The following ITSN2 variants were observed in gnomAD, a reference collection of about 807,000 sequenced individuals.
The protein encoded by ITSN2 is intersectin 2.
ITSN2 carries 156 observed loss-of-function variants against 243.7 expected under a neutral mutation model. The ratio of observed to expected loss-of-function variants is 0.64; its 90% CI spans 0.56 to 0.73. ITSN2 has a LOEUF of 0.73. Among genes scored for constraint, ITSN2 ranks in the 30% least tolerant of loss-of-function variants. The pLI, the probability that ITSN2 is intolerant of heterozygous loss-of-function variation, is 0.00. For synonymous variants in ITSN2, 703 were observed against 699.9 expected, an observed-to-expected ratio of 1.00 and a Z score of -0.07; for missense variants, 1,801 against 1,996.1, an observed-to-expected ratio of 0.90 and a Z score of 1.86.
intron 7 of ITSN2, among the ~76,000 whole-genome samples, chr2:24,309,987 T>A (rs1683053781): frequency 6.6e-6 from 1 of 152,092 alleles, no homozygotes; most frequent in South Asian, 2.1e-4. Context: ...TCTTGGGAAA[T>A]ATACACATTT....
intron 29 of ITSN2, among the ~76,000 whole-genome samples, chr2:24,222,715 GC>G (rs1670598827): frequency 8.4e-6 from 1 of 119,096 alleles, no homozygotes; most frequent in Non-Finnish European, 1.6e-5. Context: ...CCCTGTGTCA[GC>G]CAGGCTGGAG....
At chr2:24,358,633 C>T (rs757124795) in intron 1 of ITSN2, among the ~76,000 whole-genome samples, 4 of 152,068 alleles carry the variant, frequency 2.6e-5, no homozygotes, top group Admixed American at 6.5e-5. Context: ...AAAAGATATA[C>T]TAACTACATA....
Position 24,313,490 on chromosome 2 carries a change from C to CCTGATTGTTG in ITSN2, c.157_158insCAACAATCAG (p.Gly53AlafsTer12). The CCTGATTGTTG allele has an allele frequency of 1.2e-6, 2 of 1,613,326 alleles. No homozygotes were observed. Among genetic ancestry groups the CCTGATTGTTG allele is most frequent in the Non-Finnish European group, 1.7e-6 (2 of 1,179,602 alleles). ...TTCAGCTAAAACAGGGGCCGGCAGA[C>CCTGATTGTTG]CTGATTGTAGGAAAAAATTACGTGC... On this transcript the variant is annotated frameshift_variant, in exon 4 of 40. Coordinates refer to ENST00000355123, the MANE Select transcript of ITSN2 (RefSeq NM_006277.3). LOFTEE classifies it high-confidence loss of function.
intron 29 of ITSN2, among the ~76,000 whole-genome samples, chr2:24,231,555 C>G (rs1216008785): frequency 6.6e-6 from 1 of 152,220 alleles, no homozygotes; most frequent in East Asian, 1.9e-4. Context: ...AGACCCACCC[C>G]CACACTGTGG....
At position 24,208,320 on chromosome 2, in the gene ITSN2, C is replaced by G; in HGVS notation, c.4596-1G>C. The stretch of plus-strand genomic sequence containing the variant: ...CTTGATCTTCTGCACCCAGGCGGTC[C>G]TACGGGAGAAGCAGGGGCAGCCGTT... On this transcript the variant is annotated splice_acceptor_variant, in intron 36 of 39. Transcript: ENST00000355123. LOFTEE classifies it high-confidence loss of function. 1 of 1,611,604 alleles carries G rather than the reference C, an allele frequency of 6.2e-7. No homozygotes were observed. The highest frequency in any genetic ancestry group is 2.2e-5 in the East Asian group (1 of 44,848).
In ITSN2 at chr2:24,271,790, T is replaced by C; in HGVS notation, c.2233A>G (p.Thr745Ala). The part of the protein sequence containing the change: ...AEEKQRKDKD[T>A]LKAEEKKRET... The stretch of plus-strand genomic sequence containing the variant: ...CGTTTTTTCTCCTCAGCTTTCAAAG[T>C]ATCCTTATCCTTACGTTGTTTCTCC... The change falls in exon 19 of 40, where the codon ACT (threonine) becomes GCT (alanine). Residue 745 changes from threonine (T) to alanine (A), a missense_variant. This residue lies in a region of ITSN2 where 787 missense variants were observed against 803.9 expected (regional missense o/e 0.98). Coordinates refer to ENST00000355123, the MANE Select transcript of ITSN2 (RefSeq NM_006277.3). The C allele has an allele frequency of 6.3e-7, 1 of 1,590,002 alleles. No individual in the cohort carries two copies. Among genetic ancestry groups the C allele is most frequent in the Non-Finnish European group, 8.5e-7 (1 of 1,173,026 alleles).
intron 1 of ITSN2, among the ~76,000 whole-genome samples, chr2:24,341,538 T>G (rs1687045955): frequency 2.0e-5 from 3 of 152,236 alleles, no homozygotes; most frequent in Non-Finnish European, 4.4e-5. Flanking sequence ...AGCACAGTGA[T>G]GGCTATAGAA....
intron 10 of ITSN2, among the ~76,000 whole-genome samples, chr2:24,301,526 C>CTT (rs999219345): frequency 9.0e-4 from 124 of 137,240 alleles, no homozygotes; most frequent in Non-Finnish European, 1.5e-3. Context: ...ACATCCACTT[C>CTT]TTTTTTTTTT....
Position 24,354,793 on chromosome 2 carries a change from G to C in ITSN2, c.-34+5511C>G, listed in dbSNP as rs79968556. 2.5e-3 allele frequency among the ~76,000 whole-genome samples: 374 copies of C among 152,240 alleles called. 3 individuals are homozygous for C. The highest frequency in any genetic ancestry group is 7.2e-4 in the Non-Finnish European group (49 of 67,998). On this transcript the variant is annotated intron_variant, in intron 1 of 39. Transcript: ENST00000355123. ...ATGAATACGCATTCGTGAAGAAAAT[G>C]ATCTTAAAAATATGAAACAGTTAAA...
At chr2:24,283,975 G>C (rs576468711) in intron 17 of ITSN2, among the ~76,000 whole-genome samples, 16 of 152,154 alleles carry the variant, frequency 1.1e-4, no homozygotes, top group Non-Finnish European at 2.9e-5. Flanking sequence ...TTTCCAATTT[G>C]CCCTACTTCG....
At chr2:24,348,009 G>A (rs552621564) in intron 1 of ITSN2, among the ~76,000 whole-genome samples, 13 of 151,998 alleles carry the variant, frequency 8.6e-5, no homozygotes, top group African/African-American at 2.4e-4. Flanking sequence ...CCAAGAGTTC[G>A]AGATTACAGT....
At chr2:24,330,644 G>T in intron 1 of ITSN2, 1 of 739,626 alleles carries the variant, frequency 1.4e-6, no homozygotes, top group Non-Finnish European at 2.5e-6. Context: ...ACGGGGCACA[G>T]AAAGCTGAAA....
At chr2:24,315,089 T>C (rs1683745960) in intron 3 of ITSN2, 43 bp downstream of exon 3, 2 of 1,023,788 alleles carry the variant, frequency 2.0e-6, no homozygotes, top group Non-Finnish European at 1.5e-6. Flanking sequence ...AGATATCACA[T>C]AAGGACCATA....
intron 15 of ITSN2, among the ~76,000 whole-genome samples, chr2:24,289,050 G>A (rs1383384775): frequency 6.6e-6 from 1 of 152,176 alleles, no homozygotes; most frequent in East Asian, 1.9e-4. Context: ...AACAGGCAGT[G>A]TGATGCTTCC....
chr2:24,261,029 T>C (rs1220875160), intron 22 of ITSN2, 77 bp downstream of exon 22: 2 of 1,311,366 alleles, frequency 1.5e-6, no homozygotes, highest in East Asian at 2.4e-5. Context: ...GAATGGTCCT[T>C]TGTATATAAT....
At chr2:24,355,981 T>C (rs1688410439) in intron 1 of ITSN2, among the ~76,000 whole-genome samples, 1 of 152,080 alleles carries the variant, frequency 6.6e-6, no homozygotes, top group African/African-American at 2.4e-5. Context: ...GGCGGGTGGA[T>C]CACCTGAGGT....
chr2:24,334,822 G>C, intron 1 of ITSN2: 1 of 983,652 alleles, frequency 1.0e-6, no homozygotes, highest in Non-Finnish European at 1.5e-6. Context: ...CCAGCACTTT[G>C]GGAGGCCGAG....
rs150687073 is a variant in ITSN2, at chr2:24,205,469, G to A, written c.4679-172C>T. On this transcript the variant is annotated intron_variant, in intron 37 of 39. Coordinates refer to ENST00000355123, the MANE Select transcript of ITSN2 (RefSeq NM_006277.3). ...TTCCCCAGGCTGTGTTGCCTGCTAG[G>A]AAGCCCCTGCTTGCTCTTTCTGCCC... The A allele has an allele frequency of 6.1e-4, 349 of 573,046 alleles. 1 individual carries two copies. The highest frequency in any genetic ancestry group is 6.0e-3 in the African/African-American group (317 of 53,178). 35.5% of individuals were successfully genotyped at this position (573,046 alleles called of 1,614,324 possible).
At chr2:24,277,062 G>A (rs1678100336) in intron 17 of ITSN2, among the ~76,000 whole-genome samples, 1 of 152,160 alleles carries the variant, frequency 6.6e-6, no homozygotes, top group Admixed American at 6.5e-5. Context: ...CCCTTCCATG[G>A]ATTCAGTTAG....
Sources: gnomAD v4.1 joint callset for allele counts (sites outside exome capture counted in the v4.1 genomes callset) on GRCh38, gnomAD v4.1.1 for gene constraint, gnomAD v4.1.1 regional missense constraint, MANE v1.5 for transcripts, NCBI Gene and HGNC (gene_info 2026-07-23, HGNC 2026-07-21) for gene names.